Variants in WWOX observed in about 807,000 individuals in gnomAD.
WWOX encodes WW domain-containing oxidoreductase.
In WWOX, 69 loss-of-function variants were observed where a neutral mutation model predicts 46.2. That is an observed-to-expected ratio of 1.49 (90% confidence interval 1.23 to 1.82). WWOX has a LOEUF of 1.82. Ranked by LOEUF, WWOX falls within the 40% of genes most tolerant of loss-of-function variation. WWOX has a pLI of 0.00. For synonymous variants in WWOX, 359 were observed against 202.6 expected (o/e 1.77, Z -6.56); for missense variants, 919 against 542.6 (o/e 1.69, Z -6.89).
At chr16:79,102,736 C>G (rs568931635) in intron 8 of WWOX, among the ~76,000 whole-genome samples, 1 of 152,092 alleles carries the variant, frequency 6.6e-6, no homozygotes, top group African/African-American at 2.4e-5. Context: ...GGTTCTGAAG[C>G]TAAAGGGTAC....
chr16:78,768,913 C>T (rs1035320259), intron 8 of WWOX, among the ~76,000 whole-genome samples: 1 of 152,146 alleles, frequency 6.6e-6, no homozygotes, highest in African/African-American at 2.4e-5. Context: ...GACGCTGCGC[C>T]ATGGTGTAGG....
intron 8 of WWOX, among the ~76,000 whole-genome samples, chr16:78,878,770 C>T (rs549018259): frequency 1.3e-5 from 2 of 152,044 alleles, no homozygotes; most frequent in Admixed American, 6.6e-5. Context: ...TTGAAATTTA[C>T]CAGGCCAGGC....
chr16:79,016,884 C>T (rs1421565340), intron 8 of WWOX: 1 of 152,132 alleles, frequency 6.6e-6, no homozygotes, highest in Non-Finnish European at 1.5e-5. Context: ...ATTTTCTCAT[C>T]GTCTTATTAT....
Position 78,976,028 on chromosome 16 carries a change from G to C in WWOX, c.1057-235580G>C, listed in dbSNP as rs111391122. ...ATGGAGATGCCATGTCCTTTCAATG[G>C]TGCGTTTAGCCAGCGCCCCGCTCTG... On this transcript the variant is annotated intron_variant, in intron 8 of 8. Transcript: ENST00000566780. 7.4e-3 allele frequency among the ~76,000 whole-genome samples: 1,133 copies of C among 152,222 alleles called. 12 individuals are homozygous for C. Among genetic ancestry groups the C allele is most frequent in the Non-Finnish European group, 0.013 (891 of 68,020 alleles).
At chr16:78,895,768 C>T (rs2044687965) in intron 8 of WWOX, 1 of 152,198 alleles carries the variant, frequency 6.6e-6, no homozygotes, top group African/African-American at 2.4e-5. Context: ...CTGGCAAATT[C>T]TGAGATGCTA....
intron 5 of WWOX, among the ~76,000 whole-genome samples, chr16:78,222,796 A>G (rs1410986791): frequency 6.6e-6 from 1 of 152,224 alleles, no homozygotes; most frequent in Non-Finnish European, 1.5e-5. Context: ...ATCTATTTCA[A>G]GTATTTCAGT....
rs73572915 is a variant in WWOX, at chr16:79,077,037, C to G, written c.1057-134571C>G. 3.4e-3 allele frequency among the ~76,000 whole-genome samples: 521 copies of G among 152,212 alleles called. 2 individuals carry two copies. Among genetic ancestry groups the G allele is most frequent in the African/African-American group, 0.012 (480 of 41,542 alleles). On this transcript the variant is annotated intron_variant, in intron 8 of 8. Coordinates refer to ENST00000566780, the MANE Select transcript of WWOX (RefSeq NM_016373.4). Reference sequence around the variant, plus strand: ...TTTATAGGGAAAAACAGTAGCCGATCATCAATTCCCTAAGGTTCCACGTAA... The same window carrying G: ...TTTATAGGGAAAAACAGTAGCCGATGATCAATTCCCTAAGGTTCCACGTAA...
chr16:78,606,250 C>G (rs117479948), intron 8 of WWOX, among the ~76,000 whole-genome samples: 2,592 of 152,224 alleles, frequency 0.017, 36 homozygotes, highest in South Asian at 0.026. Flanking sequence ...TTTGTAGTCT[C>G]TTTTTTAATT....
chr16:78,361,339 T>C (rs1282108291), intron 5 of WWOX, among the ~76,000 whole-genome samples: 1 of 152,204 alleles, frequency 6.6e-6, no homozygotes, highest in Non-Finnish European at 1.5e-5. Context: ...ATCACTTGGT[T>C]AAGGTGATGT....
chr16:78,777,176 A>C (rs766784246), intron 8 of WWOX, among the ~76,000 whole-genome samples: 2 of 55,702 alleles, frequency 3.6e-5, no homozygotes, highest in African/African-American at 1.0e-4. Flanking sequence ...CAATGGCTGT[A>C]TTTCAATGGC....
chr16:78,330,845 G>T (rs983788821), intron 5 of WWOX, among the ~76,000 whole-genome samples: 5 of 152,198 alleles, frequency 3.3e-5, no homozygotes, highest in African/African-American at 1.2e-4. Flanking sequence ...CCTGGAAACA[G>T]AAGAAAATAA....
intron 8 of WWOX, among the ~76,000 whole-genome samples, chr16:78,562,298 C>T (rs946751869): frequency 6.6e-6 from 1 of 152,218 alleles, no homozygotes; most frequent in Non-Finnish European, 1.5e-5. Flanking sequence ...TGAGAGCTCA[C>T]TTTATCTCAA....
chr16:78,745,979 AC>A (rs913811209), intron 8 of WWOX, among the ~76,000 whole-genome samples: 1 of 152,088 alleles, frequency 6.6e-6, no homozygotes, highest in Non-Finnish European at 1.5e-5. Context: ...GGAACCCTGC[AC>A]CACGTCTCAG....
At chr16:78,356,955 C>G (rs1034574523) in intron 5 of WWOX, among the ~76,000 whole-genome samples, 3 of 152,110 alleles carry the variant, frequency 2.0e-5, no homozygotes, top group Non-Finnish European at 2.9e-5. Context: ...GATTAAATGG[C>G]CAATTCCTAA....
chr16:78,992,452 G>A (rs1374600321), intron 8 of WWOX, among the ~76,000 whole-genome samples: 4 of 152,220 alleles, frequency 2.6e-5, no homozygotes, highest in African/African-American at 9.6e-5. Flanking sequence ...GGGCAAAAGA[G>A]TGACACTCTA....
chr16:78,737,687 G>C (rs1344883269), intron 8 of WWOX, among the ~76,000 whole-genome samples: 1 of 152,124 alleles, frequency 6.6e-6, no homozygotes, highest in Admixed American at 6.5e-5. Context: ...ATTAAAAGAG[G>C]AAAAGGGGTA....
intron 8 of WWOX, among the ~76,000 whole-genome samples, chr16:79,037,486 C>G (rs968849733): frequency 1.4e-4 from 22 of 152,048 alleles, no homozygotes; most frequent in African/African-American, 5.3e-4. Flanking sequence ...AGGAAGTTGT[C>G]ATAGGAGTCT....
At chr16:78,476,267 G>A (rs1225298515) in intron 8 of WWOX, among the ~76,000 whole-genome samples, 1 of 152,192 alleles carries the variant, frequency 6.6e-6, no homozygotes, top group Non-Finnish European at 1.5e-5. Flanking sequence ...CTGCATAAAT[G>A]TCTTCTTTTG....
At chr16:79,048,593 A>T (rs2048109148) in intron 8 of WWOX, among the ~76,000 whole-genome samples, 1 of 152,202 alleles carries the variant, frequency 6.6e-6, no homozygotes, top group Admixed American at 6.5e-5. Context: ...CCATTAACAT[A>T]ACGTATGCTA....
Sources: gnomAD v4.1 joint callset for allele counts (sites outside exome capture counted in the v4.1 genomes callset) on GRCh38, gnomAD v4.1.1 for gene constraint, MANE v1.5 for transcripts, NCBI Gene and HGNC (gene_info 2026-07-23, HGNC 2026-07-21) for gene names.